CD82: variants seen among roughly 807,000 people sequenced by gnomAD.
CD82 encodes CD82 antigen.
A neutral mutation model predicts 37.4 loss-of-function variants in CD82; 36 were observed. The ratio of observed to expected loss-of-function variants is 0.96; its 90% CI spans 0.74 to 1.27. CD82 has a LOEUF of 1.27. CD82 is among the 50% of genes most tolerant of loss of function. The pLI, the probability that CD82 is intolerant of heterozygous loss-of-function variation, is 0.00. For missense variants in CD82, 340 were observed against 347.0 expected (o/e 0.98, Z 0.16); for synonymous variants, 158 against 137.4 (o/e 1.15, Z -1.05).
intron 6 of CD82, among the ~76,000 whole-genome samples, chr11:44,609,477 C>T (rs768637530): frequency 2.0e-5 from 3 of 152,050 alleles, no homozygotes; most frequent in African/African-American, 4.8e-5. Flanking sequence ...CTCACTTGGC[C>T]TGGCTGGGAG....
chr11:44,603,562 G>A (rs975105465), intron 4 of CD82, among the ~76,000 whole-genome samples: 5 of 152,114 alleles, frequency 3.3e-5, no homozygotes, highest in Admixed American at 6.5e-5. Context: ...GGGTTGTAAC[G>A]GACTCAAGCA....
At chr11:44,599,738 G>A (rs1300058173) in intron 3 of CD82, among the ~76,000 whole-genome samples, 3 of 152,262 alleles carry the variant, frequency 2.0e-5, no homozygotes, top group Admixed American at 1.3e-4. Flanking sequence ...CAGACCTGGG[G>A]ATGAGTTGGG....
intron 7 of CD82, 92 bp from the exon 8 acceptor site, chr11:44,618,070 T>C (rs1853590820): frequency 4.6e-6 from 5 of 1,086,090 alleles, no homozygotes; most frequent in Non-Finnish European, 6.9e-6. Context: ...CATATCTCAG[T>C]CTCTGTCCTG....
rs56665683 is a variant in CD82, at chr11:44,590,610, C to CAAAAAAAAAAAAAAAAAAAAAAAAAAAAA, written c.-21+3074_-21+3075insAAAAAAAAAAAAAAAAAAAAAAAAAAAAA. Among the ~76,000 whole-genome samples the CAAAAAAAAAAAAAAAAAAAAAAAAAAAAA allele has an allele frequency of 1.2e-4, 4 of 33,456 alleles. 1 individual carries two copies. The highest frequency in any genetic ancestry group is 1.6e-4 in the Non-Finnish European group (3 of 18,896). 21.9% of individuals were successfully genotyped at this position (33,456 alleles called of 152,430 possible). A position where few individuals can be genotyped will look rare whatever the true frequency, so the allele number is the denominator to read the frequency against. On this transcript the variant is annotated intron_variant, in intron 2 of 9. Transcript: ENST00000227155. ...TGGGCAACAGAGGGAGATTCTGTCT[C>CAAAAAAAAAAAAAAAAAAAAAAAAAAAAA]AAAAAAAAAAAAAAAAAAAAGATGA...
intron 6 of CD82, among the ~76,000 whole-genome samples, chr11:44,610,312 G>A (rs1281664959): frequency 6.6e-6 from 1 of 152,198 alleles, no homozygotes; most frequent in Non-Finnish European, 1.5e-5. Flanking sequence ...AGGAGGATGT[G>A]AACTAATACA....
At chr11:44,610,478 G>T (rs966165164) in intron 6 of CD82, among the ~76,000 whole-genome samples, 3 of 152,194 alleles carry the variant, frequency 2.0e-5, no homozygotes, top group Non-Finnish European at 4.4e-5. Flanking sequence ...TTTGCTGGAC[G>T]CAAAGGTCTC....
chr11:44,599,857 G>A (rs1853281485), intron 3 of CD82, among the ~76,000 whole-genome samples: 1 of 152,244 alleles, frequency 6.6e-6, no homozygotes, highest in Admixed American at 6.5e-5. Flanking sequence ...AAAAGAGCCA[G>A]GAGATGTGGC....
At position 44,618,374 on chromosome 11, in the gene CD82, G is replaced by A. The variant is rs753022175; in HGVS notation, c.642+9G>A. On this transcript the variant is annotated intron_variant, in intron 8 of 9. Coordinates refer to ENST00000227155, the MANE Select transcript of CD82 (RefSeq NM_002231.4). ...GGCCTGTGTACCAGGAGGTGTGCGG[G>A]GGGCTGCGGATCGGGGGCGGGGCTC... The A allele has an allele frequency of 1.2e-6, 2 of 1,610,534 alleles. No homozygotes were observed. Among genetic ancestry groups the A allele is most frequent in the Admixed American group, 1.7e-5 (1 of 59,954 alleles).
chr11:44,601,452 G>T (rs1853308364), intron 4 of CD82, among the ~76,000 whole-genome samples: 1 of 152,102 alleles, frequency 6.6e-6, no homozygotes, highest in African/African-American at 2.4e-5. Context: ...CATTCTCCTG[G>T]CCTGTGACAC....
intron 1 of CD82, among the ~76,000 whole-genome samples, chr11:44,586,450 C>T (rs1292785118): frequency 6.6e-6 from 1 of 152,170 alleles, no homozygotes; most frequent in Non-Finnish European, 1.5e-5. Context: ...CTTACTTGAA[C>T]CCAGGCATTT....
In CD82 at chr11:44,601,749, C is replaced by T. The variant is rs188442494; in HGVS notation, c.136+1519C>T. On this transcript the variant is annotated intron_variant, in intron 4 of 9. Coordinates refer to ENST00000227155, the MANE Select transcript of CD82 (RefSeq NM_002231.4). Reference sequence around the variant, plus strand: ...GGTGCATTTTACAAATGCTTTGGCCCGAGCCCCACCCACCCCAAGGGACCT... The same window carrying T: ...GGTGCATTTTACAAATGCTTTGGCCTGAGCCCCACCCACCCCAAGGGACCT... Among the ~76,000 whole-genome samples the T allele has an allele frequency of 5.9e-5, 9 of 152,268 alleles. No homozygotes were observed. In the East Asian group the frequency reaches 1.5e-3, roughly 26 times the overall value.
At chr11:44,592,108 C>T (rs974546421) in intron 2 of CD82, among the ~76,000 whole-genome samples, 3 of 152,170 alleles carry the variant, frequency 2.0e-5, no homozygotes, top group African/African-American at 4.8e-5. Flanking sequence ...CATGAGATAC[C>T]GTGCCCGGCC....
chr11:44,574,998 G>A (rs778823148), intron 1 of CD82, among the ~76,000 whole-genome samples: 1 of 152,178 alleles, frequency 6.6e-6, no homozygotes, highest in Non-Finnish European at 1.5e-5. Context: ...TGAGCTCCAT[G>A]GAATGAATTT....
At chr11:44,598,792 C>T (rs560278109) in intron 3 of CD82, among the ~76,000 whole-genome samples, 4 of 152,272 alleles carry the variant, frequency 2.6e-5, no homozygotes, top group Admixed American at 1.3e-4. Context: ...GCCCCAGGCT[C>T]GGGGCTCTAT....
rs889964006 is a variant in CD82, at chr11:44,618,108, A to C, written c.439-54A>C. The C allele has an allele frequency of 1.5e-5, 23 of 1,549,268 alleles. No individual in the cohort carries two copies. The Middle Eastern group carries it at 5.1e-4, about 35-fold the overall frequency. Reference sequence around the variant, plus strand: ...GAGGTCCTCCCTCTGCCAGGAGGGCAGCCTGCCTAGGGTGAGCCGTGAGCA... The same window carrying C: ...GAGGTCCTCCCTCTGCCAGGAGGGCCGCCTGCCTAGGGTGAGCCGTGAGCA... On this transcript the variant is annotated intron_variant, in intron 7 of 9. Transcript: ENST00000227155.
At chr11:44,603,635 C>T (rs934559517) in intron 4 of CD82, among the ~76,000 whole-genome samples, 1 of 152,214 alleles carries the variant, frequency 6.6e-6, no homozygotes, top group Non-Finnish European at 1.5e-5. Flanking sequence ...GACGCCAGCA[C>T]CCTCGCCCTC....
intron 1 of CD82, among the ~76,000 whole-genome samples, chr11:44,571,566 G>GTTTTAT (rs770927857): frequency 6.6e-6 from 1 of 152,084 alleles, no homozygotes; most frequent in African/African-American, 2.4e-5. Flanking sequence ...TTTTGGTAGT[G>GTTTTAT]TTTTATTTTT....
chr11:44,594,189 G>A (rs1390682895), intron 2 of CD82, among the ~76,000 whole-genome samples: 2 of 152,056 alleles, frequency 1.3e-5, no homozygotes, highest in African/African-American at 2.4e-5. Context: ...TCCCCTTCTC[G>A]CCTTGGCAGA....
At chr11:44,616,271 G>A (rs1314103500) in intron 7 of CD82, among the ~76,000 whole-genome samples, 1 of 152,200 alleles carries the variant, frequency 6.6e-6, no homozygotes, top group African/African-American at 2.4e-5. Context: ...GAAGGGGAGA[G>A]CGATGTTTTC....
Sources: allele counts gnomAD v4.1 joint callset (sites outside exome capture counted in the v4.1 genomes callset), GRCh38; gene constraint gnomAD v4.1.1; transcripts MANE v1.5; gene names NCBI Gene and HGNC (gene_info 2026-07-23, HGNC 2026-07-21).